Variants in MIA2 observed in about 807,000 individuals in gnomAD.
MIA2 encodes MIA SH3 domain ER export factor 2.
MIA2 carries 127 observed loss-of-function variants against 167.8 expected under a neutral mutation model. That is an observed-to-expected ratio of 0.76 (90% CI 0.66 to 0.88). The LOEUF (loss-of-function observed/expected upper bound fraction) is 0.88. Among genes scored for constraint, MIA2 ranks in the 40% least tolerant of loss-of-function variants. MIA2 has a pLI of 0.00. For synonymous variants in MIA2, 552 were observed against 541.9 expected (o/e 1.02, Z -0.26); for missense variants, 1,690 against 1,624.7 (o/e 1.04, Z -0.69).
chr14:39,306,426 G>A (rs8003117), intron 17 of MIA2, among the ~76,000 whole-genome samples: 83,045 of 151,840 alleles, frequency 0.55, 24,436 homozygotes, highest in South Asian at 0.67. Flanking sequence ...GAGGAAGAGA[G>A]TGAAGGGGGA....
intron 6 of MIA2, chr14:39,267,263 G>C: frequency 3.5e-6 from 5 of 1,423,346 alleles, no homozygotes; most frequent in Non-Finnish European, 4.6e-6. Context: ...AAGAGGGTCG[G>C]GATGGGCAGC....
At chr14:39,285,771 G>A (rs1283408759) in intron 9 of MIA2, among the ~76,000 whole-genome samples, 33 of 146,644 alleles carry the variant, frequency 2.3e-4, no homozygotes, top group Admixed American at 1.3e-3. Context: ...CAGACGGGGC[G>A]GCTGCCGGGC....
At position 39,240,545 on chromosome 14, in the gene MIA2, T is replaced by C. The variant is rs1436415914; in HGVS notation, c.250-16T>C. The stretch of plus-strand genomic sequence containing the variant: ...GATCATTCTTCCTCGATAATCTTTG[T>C]TCTTCATTTTGACAGAAAGGAAAGG... On this transcript the variant is annotated splice_polypyrimidine_tract_variant and intron_variant, in intron 2 of 28. Coordinates refer to ENST00000640607, the MANE Select transcript of MIA2 (RefSeq NM_001329214.4). 15 of 1,582,406 alleles carry C rather than the reference T, an allele frequency of 9.5e-6. No individual in the cohort carries two copies. Among genetic ancestry groups the C allele is most frequent in the Non-Finnish European group, 1.3e-5 (15 of 1,153,136 alleles).
chr14:39,325,366 A>AT (rs1203450043), intron 24 of MIA2, among the ~76,000 whole-genome samples: 2,854 of 136,990 alleles, frequency 0.021, 55 homozygotes, highest in Non-Finnish European at 0.03. Flanking sequence ...TGAATGTTAA[A>AT]TTTTTTTTTT....
At position 39,348,951 on chromosome 14, in the gene MIA2, C is replaced by G; in HGVS notation, c.4046C>G (p.Pro1349Arg). ...SRDYFPPGDF[P>R]GPPPAPFAMR... ...GATTATTTTCCACCAGGGGATTTCCCAGGTCCACCACCTGCTCCATTTGCA... is the reference window on the plus strand; with the variant it reads ...GATTATTTTCCACCAGGGGATTTCCGAGGTCCACCACCTGCTCCATTTGCA... Residue 1349 changes from proline (P) to arginine (R), a missense_variant, in exon 28 of 29, where the codon CCA (proline) becomes CGA (arginine). Coordinates refer to ENST00000640607, the MANE Select transcript of MIA2 (RefSeq NM_001329214.4). 1 of 1,613,878 alleles carries G rather than the reference C, an allele frequency of 6.2e-7. No homozygotes were observed. Among genetic ancestry groups the G allele is most frequent in the Non-Finnish European group, 8.5e-7 (1 of 1,179,804 alleles).
At chr14:39,352,986 A>G (rs2074429737), downstream of MIA2, among the ~76,000 whole-genome samples, 1 of 152,058 alleles carries the variant, frequency 6.6e-6, no homozygotes, top group African/African-American at 2.4e-5. Flanking sequence ...CATGACTGAA[A>G]TTTTGTATCC....
At chr14:39,317,217 C>T (rs2065635955) in intron 21 of MIA2, among the ~76,000 whole-genome samples, 1 of 152,110 alleles carries the variant, frequency 6.6e-6, no homozygotes, top group Non-Finnish European at 1.5e-5. Context: ...AGAAGCTCCA[C>T]AGACAAGGTG....
Position 39,319,253 on chromosome 14 carries a change from C to G in MIA2, c.3329C>G (p.Pro1110Arg). The G allele has an allele frequency of 6.4e-7, 1 of 1,566,096 alleles. No individual in the cohort carries two copies. Among genetic ancestry groups the G allele is most frequent in the East Asian group, 2.3e-5 (1 of 44,346 alleles). Residue 1110 changes from proline (P) to arginine (R), a missense_variant, in exon 23 of 29, where the codon CCT becomes CGT. Pro to Arg is a moderately radical substitution (Grantham distance 103, BLOSUM62 -2). Transcript: ENST00000640607. The stretch of plus-strand genomic sequence containing the variant: ...AAATTTGAACTTTTAGAAAAAGATC[C>G]TTATGCACTCGATGTTCCAAATACA... ...ELKFELLEKDPYALDVPNTAF... is the reference protein window; with the variant it reads ...ELKFELLEKDRYALDVPNTAF...
At chr14:39,360,004 T>C (rs2074642351) in intron 23 of MIA2, among the ~76,000 whole-genome samples, 1 of 151,480 alleles carries the variant, frequency 6.6e-6, no homozygotes, top group African/African-American at 2.4e-5. Flanking sequence ...TTTTTTTTTT[T>C]TTTTTTTGTC....
At chr14:39,250,779 A>T (rs1237290036) in intron 4 of MIA2, among the ~76,000 whole-genome samples, 2 of 150,438 alleles carry the variant, frequency 1.3e-5, no homozygotes, top group African/African-American at 4.9e-5. Context: ...AATTTCTAAA[A>T]TTGGTAAATA....
Position 39,348,886 on chromosome 14 carries a change from C to A in MIA2, c.3981C>A (p.Phe1327Leu). Residue 1327 changes from phenylalanine to leucine, a missense_variant, in exon 28 of 29, where the codon TTC (phenylalanine) becomes TTA (leucine). Transcript: ENST00000640607. The part of the protein sequence containing the change: ...RGPFLRRGPP[F>L]PPPPPGAMFG... ...CATTCTTGAGAAGAGGACCTCCTTT[C>A]CCCCCACCTCCTCCAGGAGCCATGT... The A allele has an allele frequency of 6.2e-7, 1 of 1,614,022 alleles. No individual in the cohort carries two copies. The highest frequency in any genetic ancestry group is 8.5e-7 in the Non-Finnish European group (1 of 1,179,932).
intron 24 of MIA2, among the ~76,000 whole-genome samples, chr14:39,321,354 C>T (rs1595578933): frequency 6.6e-6 from 1 of 152,074 alleles, no homozygotes; most frequent in East Asian, 1.9e-4. Context: ...TGCTCTTTCA[C>T]CCAGGCTGGA....
Position 39,240,642 on chromosome 14 carries a change from A to G in MIA2, c.331A>G (p.Thr111Ala). The G allele has an allele frequency of 1.2e-6, 2 of 1,608,054 alleles. No homozygotes were observed. The highest frequency in any genetic ancestry group is 1.1e-5 in the South Asian group (1 of 90,570). ...VFISEEIQMS[T>A]KESDFLCLLG... is the part of the protein sequence containing the mutation. Reference sequence around the variant, plus strand: ...CATATCTGAGGAAATTCAGATGTCAACGAAAGTGAGTAAACTCATTCTCAG... The same window carrying G: ...CATATCTGAGGAAATTCAGATGTCAGCGAAAGTGAGTAAACTCATTCTCAG... Residue 111 changes from threonine (T) to alanine (A), a missense_variant, in exon 3 of 29, where the codon ACG (threonine) becomes GCG (alanine). Coordinates refer to ENST00000640607, the MANE Select transcript of MIA2 (RefSeq NM_001329214.4).
intron 2 of MIA2, among the ~76,000 whole-genome samples, chr14:39,240,224 A>AT (rs1313187524): frequency 6.6e-6 from 1 of 152,162 alleles, no homozygotes; most frequent in Non-Finnish European, 1.5e-5. Context: ...TTGCCTTTTG[A>AT]TATCCCAGGT....
chr14:39,268,106 G>GT (rs1000359833), intron 6 of MIA2, among the ~76,000 whole-genome samples: 2 of 151,072 alleles, frequency 1.3e-5, no homozygotes, highest in African/African-American at 2.4e-5. Flanking sequence ...TTCAAATTTT[G>GT]TTTTTTATTT....
intron 23 of MIA2, among the ~76,000 whole-genome samples, chr14:39,367,823 G>A (rs892649898): frequency 5.8e-5 from 5 of 86,204 alleles, no homozygotes; most frequent in African/African-American, 8.4e-5. Flanking sequence ...TTTTATTGTC[G>A]TCGGTTTTTT....
At chr14:39,261,333 G>T (rs1211340778) in intron 6 of MIA2, among the ~76,000 whole-genome samples, 1 of 152,068 alleles carries the variant, frequency 6.6e-6, no homozygotes, top group Admixed American at 6.5e-5. Flanking sequence ...CCTTTTTTAT[G>T]GCTGCATAGT....
chr14:39,262,068 G>A (rs1285651132), intron 6 of MIA2, among the ~76,000 whole-genome samples: 3 of 152,144 alleles, frequency 2.0e-5, no homozygotes, highest in South Asian at 2.1e-4. Flanking sequence ...CCTTGCCCAT[G>A]CCTATGTCCT....
chr14:39,300,136 C>T, intron 14 of MIA2, 150 bp downstream of exon 14: 1 of 922,388 alleles, frequency 1.1e-6, no homozygotes, highest in South Asian at 1.7e-5. Context: ...TGAAGACTTA[C>T]AGATTTGTCA....
Sources: allele counts gnomAD v4.1 joint callset (sites outside exome capture counted in the v4.1 genomes callset), GRCh38; gene constraint gnomAD v4.1.1; transcripts MANE v1.5; gene names NCBI Gene and HGNC (gene_info 2026-07-23, HGNC 2026-07-21).